RAB38: variants seen among roughly 807,000 people sequenced by gnomAD.
RAB38 encodes ras-related protein Rab-38.
In RAB38, 15 loss-of-function variants were observed where a neutral mutation model predicts 18.4. That is an observed-to-expected ratio of 0.82 (90% CI 0.55 to 1.26). The LOEUF (loss-of-function observed/expected upper bound fraction) is 1.26. Among genes scored for constraint, RAB38 ranks in the 50% most tolerant of loss-of-function variants. RAB38 has a pLI of 0.00. For synonymous variants in RAB38, 101 were observed against 104.4 expected (o/e 0.97, Z 0.20); for missense variants, 294 against 267.4 (o/e 1.10, Z -0.69).
chr11:88,067,624 G>T, the RAB38 span, among the ~76,000 whole-genome samples: 5 of 151,998 alleles, frequency 3.3e-5, no homozygotes, highest in Non-Finnish European at 7.3e-5. Flanking sequence ...TACTCTTGTG[G>T]AATATGCAAT....
chr11:87,886,628 C>T, the RAB38 span, among the ~76,000 whole-genome samples: 1 of 151,900 alleles, frequency 6.6e-6, no homozygotes, highest in Admixed American at 6.6e-5. Context: ...ATTGCTATTA[C>T]ATTAACTCCA....
chr11:88,173,698 G>A (rs567820415), intron 1 of RAB38: 34 of 982,270 alleles, frequency 3.5e-5, no homozygotes, highest in Non-Finnish European at 3.7e-5. Flanking sequence ...CATGCAGCAA[G>A]AAAGTACACA....
chr11:88,019,959 A>G, the RAB38 span, among the ~76,000 whole-genome samples: 1 of 152,164 alleles, frequency 6.6e-6, no homozygotes, highest in Non-Finnish European at 1.5e-5. Context: ...TCTCTAATTC[A>G]GCACTGTAGA....
At chr11:87,954,705 C>T in the RAB38 span, among the ~76,000 whole-genome samples, 5 of 151,906 alleles carry the variant, frequency 3.3e-5, no homozygotes, top group Admixed American at 1.3e-4. Flanking sequence ...TAGGCGAGCC[C>T]GGGAGCAGGC....
chr11:88,123,923 C>A (rs1170748523), intron 2 of RAB38, among the ~76,000 whole-genome samples: 1 of 152,210 alleles, frequency 6.6e-6, no homozygotes, highest in African/African-American at 2.4e-5. Context: ...TTAACAAATT[C>A]ATTTCTCTCC....
the RAB38 span, among the ~76,000 whole-genome samples, chr11:87,975,431 G>A: frequency 2.6e-4 from 39 of 151,924 alleles, no homozygotes; most frequent in African/African-American, 8.0e-4. Context: ...TGTACTACGA[G>A]AAATAAGGAA....
chr11:88,108,376 C>A (rs112464126), downstream of RAB38, among the ~76,000 whole-genome samples: 11,266 of 152,058 alleles, frequency 0.074, 716 homozygotes, highest in African/African-American at 0.17. Context: ...TATGTAATGC[C>A]CTTCTTTGTC....
chr11:88,015,548 G>T, the RAB38 span, among the ~76,000 whole-genome samples: 2 of 152,098 alleles, frequency 1.3e-5, no homozygotes, highest in African/African-American at 2.4e-5. Context: ...CCTTGCAGGG[G>T]TTCAGGATAT....
At chr11:87,835,730 TCA>T in the RAB38 span, among the ~76,000 whole-genome samples, 2 of 152,142 alleles carry the variant, frequency 1.3e-5, no homozygotes, top group Non-Finnish European at 2.9e-5. Flanking sequence ...GGTCCTTCCC[TCA>T]CAGCCTCAGA....
chr11:87,837,640 A>G, the RAB38 span, among the ~76,000 whole-genome samples: 1 of 151,804 alleles, frequency 6.6e-6, no homozygotes, highest in Admixed American at 6.6e-5. Context: ...CTTCACAAAT[A>G]TCAAATGAGT....
the RAB38 span, among the ~76,000 whole-genome samples, chr11:87,900,053 A>G: frequency 1.3e-5 from 2 of 151,458 alleles, no homozygotes; most frequent in Non-Finnish European, 3.0e-5. Flanking sequence ...CATGCTGGAG[A>G]TATGATGAAA....
At chr11:87,869,091 T>C in the RAB38 span, among the ~76,000 whole-genome samples, 17 of 151,814 alleles carry the variant, frequency 1.1e-4, no homozygotes, top group Admixed American at 1.1e-3. Flanking sequence ...TATCAGAATC[T>C]AGGGAGCAAA....
the RAB38 span, among the ~76,000 whole-genome samples, chr11:87,804,036 G>A: frequency 6.6e-6 from 1 of 152,158 alleles, no homozygotes; most frequent in African/African-American, 2.4e-5. Context: ...TCACTCTGAT[G>A]CAACTTGGGT....
chr11:87,847,742 A>G, the RAB38 span, among the ~76,000 whole-genome samples: 1 of 152,114 alleles, frequency 6.6e-6, no homozygotes, highest in Non-Finnish European at 1.5e-5. Flanking sequence ...ATGACGATCA[A>G]TTTAACGTCA....
the RAB38 span, among the ~76,000 whole-genome samples, chr11:87,957,545 A>C: frequency 6.6e-6 from 1 of 152,164 alleles, no homozygotes; most frequent in Non-Finnish European, 1.5e-5. Flanking sequence ...TCTAATAGTA[A>C]TCAACTGCGA....
chr11:87,939,776 C>G, the RAB38 span, among the ~76,000 whole-genome samples: 1 of 152,032 alleles, frequency 6.6e-6, no homozygotes, highest in Non-Finnish European at 1.5e-5. Context: ...CCTGTATTCC[C>G]AGCTACTCAG....
intron 1 of RAB38, 125 bp downstream of exon 1, chr11:88,175,058 C>A (rs1378743815): frequency 8.6e-7 from 1 of 1,162,216 alleles, no homozygotes; most frequent in Non-Finnish European, 1.2e-6. Context: ...GTTTCCAGCC[C>A]ACCAGGAAAA....
At chr11:87,845,127 A>G in the RAB38 span, among the ~76,000 whole-genome samples, 3 of 152,214 alleles carry the variant, frequency 2.0e-5, no homozygotes, top group African/African-American at 7.2e-5. Flanking sequence ...AAGTAACAAC[A>G]TCCTGCAGAT....
At chr11:88,117,131 A>G (rs1259148884) in intron 2 of RAB38, among the ~76,000 whole-genome samples, 3 of 152,236 alleles carry the variant, frequency 2.0e-5, no homozygotes, top group Non-Finnish European at 4.4e-5. Context: ...GGCAGAGCCA[A>G]GGAATGACTG....
Sources: allele counts gnomAD v4.1 joint callset (sites outside exome capture counted in the v4.1 genomes callset), GRCh38; gene constraint gnomAD v4.1.1; transcripts MANE v1.5; gene names NCBI Gene and HGNC (gene_info 2026-07-23, HGNC 2026-07-21).